The following LUZP2 variants were observed in gnomAD, a reference collection of about 807,000 sequenced individuals.
LUZP2 encodes leucine zipper protein 2.
LUZP2 carries 52 observed loss-of-function variants against 51.6 expected under a neutral mutation model. That is an observed-to-expected ratio of 1.01 (90% CI 0.81 to 1.27). The LOEUF (loss-of-function observed/expected upper bound fraction) is 1.27. Ranked by LOEUF, LUZP2 falls within the 50% of genes most tolerant of loss-of-function variation. The probability of loss-of-function intolerance (pLI) is 0.00; values close to 1 mark genes in which losing one functional copy is unlikely to be tolerated. For synonymous variants in LUZP2, 154 were observed against 137.3 expected (o/e 1.12, Z -0.85); for missense variants, 436 against 395.4 (o/e 1.10, Z -0.87).
At chr11:24,506,051 G>A (rs914033634) in intron 1 of LUZP2, among the ~76,000 whole-genome samples, 1 of 152,170 alleles carries the variant, frequency 6.6e-6, no homozygotes, top group South Asian at 2.1e-4. Context: ...ACATTAACAA[G>A]ACAATTGACA....
intron 5 of LUZP2, among the ~76,000 whole-genome samples, chr11:24,810,800 T>C (rs1849996011): frequency 6.6e-6 from 1 of 152,112 alleles, no homozygotes; most frequent in Non-Finnish European, 1.5e-5. Context: ...CATGAAACCA[T>C]CTGTAGAAAA....
intron 1 of LUZP2, among the ~76,000 whole-genome samples, chr11:24,538,325 C>T (rs1426550096): frequency 6.6e-6 from 1 of 151,304 alleles, no homozygotes; most frequent in Non-Finnish European, 1.5e-5. Context: ...TGTTAATAGG[C>T]ATAAATATAA....
intron 9 of LUZP2, among the ~76,000 whole-genome samples, chr11:25,040,371 G>A (rs1324250041): frequency 2.5e-5 from 1 of 39,442 alleles, no homozygotes; most frequent in Non-Finnish European, 4.4e-5. Flanking sequence ...TTTGCCAATA[G>A]CACAGAATAC....
intron 1 of LUZP2, among the ~76,000 whole-genome samples, chr11:24,693,676 A>G (rs1211039534): frequency 1.3e-5 from 2 of 152,008 alleles, no homozygotes; most frequent in Non-Finnish European, 1.5e-5. Flanking sequence ...TGTACTGCAT[A>G]GAAGCAGCTT....
intron 1 of LUZP2, among the ~76,000 whole-genome samples, chr11:24,716,784 T>C (rs2133942705): frequency 6.6e-6 from 1 of 152,138 alleles, no homozygotes; most frequent in South Asian, 2.1e-4. Context: ...TAATCCCAGG[T>C]ACTTGGGAGA....
chr11:24,685,864 A>C (rs956861223), intron 1 of LUZP2, among the ~76,000 whole-genome samples: 7 of 152,208 alleles, frequency 4.6e-5, no homozygotes, highest in Admixed American at 4.6e-4. Flanking sequence ...TAGTTTCCTA[A>C]GAAATTTAAT....
chr11:24,553,830 G>A (rs907562741), intron 1 of LUZP2, among the ~76,000 whole-genome samples: 1 of 152,108 alleles, frequency 6.6e-6, no homozygotes, highest in African/African-American at 2.4e-5. Flanking sequence ...TACATGGGCA[G>A]GAAAATCTTC....
At chr11:24,877,477 GTATA>G (rs1389923869) in intron 5 of LUZP2, among the ~76,000 whole-genome samples, 1 of 151,946 alleles carries the variant, frequency 6.6e-6, no homozygotes, top group Non-Finnish European at 1.5e-5. Flanking sequence ...TACATAGTAA[GTATA>G]TATATTTGTG....
intron 1 of LUZP2, among the ~76,000 whole-genome samples, chr11:24,643,235 C>T (rs1398003650): frequency 3.0e-5 from 4 of 133,104 alleles, no homozygotes; most frequent in African/African-American, 1.2e-4. Flanking sequence ...ATGGTGAAAC[C>T]TCGTCTGTAC....
At chr11:24,751,528 T>C in intron 4 of LUZP2, 1 of 943,334 alleles carries the variant, frequency 1.1e-6, no homozygotes, top group East Asian at 1.2e-4. Flanking sequence ...CCTGCTAGAA[T>C]GAGAAGTAAT....
intron 1 of LUZP2, among the ~76,000 whole-genome samples, chr11:24,724,166 A>G (rs902393557): frequency 2.6e-5 from 4 of 152,180 alleles, no homozygotes; most frequent in Non-Finnish European, 5.9e-5. Flanking sequence ...TTCTACATGA[A>G]TGCTGTATCT....
chr11:24,639,573 T>C (rs1565046433), intron 1 of LUZP2, among the ~76,000 whole-genome samples: 2 of 151,900 alleles, frequency 1.3e-5, no homozygotes, highest in South Asian at 2.1e-4. Context: ...TGCCGCAGCC[T>C]CCTGAGTAGA....
chr11:25,035,031 A>G (rs1252757314), intron 9 of LUZP2, among the ~76,000 whole-genome samples: 1 of 152,124 alleles, frequency 6.6e-6, no homozygotes, highest in East Asian at 1.9e-4. Flanking sequence ...CCAAAGGAAG[A>G]TACCTTAAAA....
At chr11:24,904,991 CA>C (rs1853402286) in intron 5 of LUZP2, among the ~76,000 whole-genome samples, 1 of 151,896 alleles carries the variant, frequency 6.6e-6, no homozygotes. Context: ...ATTAGACTTT[CA>C]GTAAAAAATG....
chr11:25,046,649 G>T (rs12285523), intron 9 of LUZP2, among the ~76,000 whole-genome samples: 12,024 of 152,140 alleles, frequency 0.079, 1,484 homozygotes, highest in African/African-American at 0.26. Flanking sequence ...ATAGCCTGAT[G>T]TTTGGATCGG....
At chr11:25,036,361 C>A (rs995424488) in intron 9 of LUZP2, among the ~76,000 whole-genome samples, 3 of 150,956 alleles carry the variant, frequency 2.0e-5, no homozygotes, top group African/African-American at 7.4e-5. Context: ...TCTTCTCTTT[C>A]TTTTTCTTTG....
At chr11:24,851,595 T>C (rs1851396706) in intron 5 of LUZP2, among the ~76,000 whole-genome samples, 1 of 152,120 alleles carries the variant, frequency 6.6e-6, no homozygotes, top group Admixed American at 6.6e-5. Flanking sequence ...GTTGTAACTC[T>C]GATAGGTTTT....
chr11:24,957,924 C>T (rs911512610), intron 7 of LUZP2, among the ~76,000 whole-genome samples: 8 of 152,162 alleles, frequency 5.3e-5, no homozygotes, highest in African/African-American at 1.9e-4. Flanking sequence ...ACAACAGTCC[C>T]CAGAGTGTGA....
In LUZP2 at chr11:25,013,633, T is replaced by C. The variant is rs76016668; in HGVS notation, c.765+30340T>C. ...TCTGAGATAAACTATTATTTTAATA[T>C]GGATACAGTATTAATCCTTTGTCAT... On this transcript the variant is annotated intron_variant, in intron 9 of 11. Transcript: ENST00000336930. 6.8e-3 allele frequency among the ~76,000 whole-genome samples: 1,030 copies of C among 152,244 alleles called. 35 individuals carry two copies. The East Asian group carries it at 0.099, about 15-fold the overall frequency.
Sources: gnomAD v4.1 joint callset for allele counts (sites outside exome capture counted in the v4.1 genomes callset) on GRCh38, gnomAD v4.1.1 for gene constraint, MANE v1.5 for transcripts, NCBI Gene and HGNC (gene_info 2026-07-23, HGNC 2026-07-21) for gene names.